The following SUGP1 variants were observed in gnomAD, a reference collection of about 807,000 sequenced individuals.
SUGP1 encodes SURP and G-patch domain-containing protein 1.
Under a neutral mutation model 76.5 loss-of-function variants are expected in SUGP1, and 34 were observed. That is an observed-to-expected ratio of 0.44 (90% confidence interval 0.34 to 0.59). The LOEUF is 0.59. Among genes scored for constraint, SUGP1 ranks in the 20% least tolerant of loss-of-function variants. The pLI, the probability that SUGP1 is intolerant of heterozygous loss-of-function variation, is 0.01. For synonymous variants in SUGP1, 326 were observed against 326.2 expected (o/e 1.00, Z 0.01); for missense variants, 752 against 851.7 (o/e 0.88, Z 1.46).
At chr19:19,284,967 A>G (rs1182287381) in intron 8 of SUGP1, among the ~76,000 whole-genome samples, 3 of 150,542 alleles carry the variant, frequency 2.0e-5, no homozygotes, top group Admixed American at 6.7e-5. Flanking sequence ...TCCCGGGTTC[A>G]TGCCATTCTC....
At chr19:19,304,063 G>C in intron 4 of SUGP1, 1 of 1,540,284 alleles carries the variant, frequency 6.5e-7, no homozygotes, top group Non-Finnish European at 8.7e-7. Context: ...AGAGAAGTGT[G>C]TGAGGCTGTG....
intron 12 of SUGP1, among the ~76,000 whole-genome samples, chr19:19,277,370 C>T (rs2061060952): frequency 6.6e-6 from 1 of 151,964 alleles, no homozygotes; most frequent in African/African-American, 2.4e-5. Flanking sequence ...AGGGGGCACT[C>T]GGGGCCAGGG....
chr19:19,281,962 C>T (rs1320310553), intron 8 of SUGP1, among the ~76,000 whole-genome samples: 12 of 152,042 alleles, frequency 7.9e-5, no homozygotes, highest in African/African-American at 2.4e-5. Flanking sequence ...TTGTGCTTAT[C>T]GTTGTCTGTC....
chr19:19,298,939 G>A (rs1276765553), intron 7 of SUGP1, among the ~76,000 whole-genome samples: 1 of 152,174 alleles, frequency 6.6e-6, no homozygotes, highest in African/African-American at 2.4e-5. Context: ...CCATCTCGGG[G>A]AGGGGGTTAC....
chr19:19,289,480 GC>G (rs1398107836), intron 8 of SUGP1, among the ~76,000 whole-genome samples: 1 of 152,128 alleles, frequency 6.6e-6, no homozygotes, highest in Admixed American at 6.5e-5. Context: ...GGGCATGGTG[GC>G]TCACGCCTGT....
At chr19:19,295,701 ACT>A (rs1245343878) in intron 8 of SUGP1, among the ~76,000 whole-genome samples, 6 of 151,728 alleles carry the variant, frequency 4.0e-5, no homozygotes, top group Admixed American at 3.9e-4. Flanking sequence ...ACAGAGCGAA[ACT>A]CTGTCTCAAA....
At chr19:19,297,443 C>G in intron 7 of SUGP1, 99 bp from the exon 8 acceptor site, 2 of 932,586 alleles carry the variant, frequency 2.1e-6, no homozygotes, top group Non-Finnish European at 3.1e-6. Flanking sequence ...CCACGTTGGC[C>G]AGGGTCACTA....
rs373329475 is a variant in SUGP1, at chr19:19,303,332, C to T, written c.763+16G>A. 1.9e-5 allele frequency: 31 copies of T among 1,610,604 alleles called. No homozygotes were observed. The highest frequency in any genetic ancestry group is 2.5e-5 in the Non-Finnish European group (29 of 1,177,072). On this transcript the variant is annotated intron_variant, in intron 6 of 13. Coordinates refer to ENST00000247001, the MANE Select transcript of SUGP1 (RefSeq NM_172231.4). ...ACAGGCCTCCCCAGAATCTCCCACCCGCTCCGTCCACCTACCTTTCTGAGA... is the reference window on the plus strand; with the variant it reads ...ACAGGCCTCCCCAGAATCTCCCACCTGCTCCGTCCACCTACCTTTCTGAGA...
intron 3 of SUGP1, among the ~76,000 whole-genome samples, chr19:19,308,021 T>C (rs987436906): frequency 2.0e-5 from 3 of 152,114 alleles, no homozygotes; most frequent in Admixed American, 6.6e-5. Context: ...GTTACATCTA[T>C]GAATTCTTTT....
intron 8 of SUGP1, among the ~76,000 whole-genome samples, chr19:19,283,864 C>CGTGA (rs2061119643): frequency 1.3e-5 from 2 of 152,232 alleles, no homozygotes; most frequent in Admixed American, 1.3e-4. Flanking sequence ...GGATTACAGG[C>CGTGA]GTGAGCCACT....
chr19:19,312,364 G>A (rs1355023693), intron 2 of SUGP1, among the ~76,000 whole-genome samples: 1 of 152,206 alleles, frequency 6.6e-6, no homozygotes, highest in Non-Finnish European at 1.5e-5. Flanking sequence ...AAATAAGGCT[G>A]TGATCACAGC....
rs1036631210 is a variant in SUGP1 at position 19,276,698 on chromosome 19, A to T, written c.1912-24T>A. ...TTCTGTGGAAGGCAAAACAGATAAC[A>T]GGAGGAGGGGATTAGCACTAAAGAC... On this transcript the variant is annotated intron_variant, in intron 13 of 13. Coordinates refer to ENST00000247001, the MANE Select transcript of SUGP1 (RefSeq NM_172231.4). 4 of 1,614,084 alleles carry T rather than the reference A, an allele frequency of 2.5e-6. No individual in the cohort carries two copies. The Admixed American group carries it at 6.7e-5, about 27-fold the overall frequency.
rs1418125592 is a variant in SUGP1, at chr19:19,306,093, G to A, written c.311-17C>T. The A allele has an allele frequency of 1.3e-6, 2 of 1,547,820 alleles. No individual in the cohort carries two copies. Among genetic ancestry groups the A allele is most frequent in the African/African-American group, 1.4e-5 (1 of 72,804 alleles). On this transcript the variant is annotated splice_polypyrimidine_tract_variant and intron_variant, in intron 3 of 13. Coordinates refer to ENST00000247001, the MANE Select transcript of SUGP1 (RefSeq NM_172231.4). ...TCGGGGCGTCTGGTATAGAAGGAAG[G>A]ATATGCGCACTCGGGATCTGCAGGG...
chr19:19,280,351 G>A, intron 8 of SUGP1, 60 bp from the exon 9 acceptor site: 1 of 1,463,120 alleles, frequency 6.8e-7, no homozygotes, highest in Non-Finnish European at 9.5e-7. Flanking sequence ...TCTCGCTCCT[G>A]CGCTGGGGTG....
chr19:19,280,911 A>C (rs1476782330), intron 8 of SUGP1: 1 of 152,162 alleles, frequency 6.6e-6, no homozygotes, highest in Non-Finnish European at 1.5e-5. Flanking sequence ...GGCAGAAACC[A>C]CCACCCCTCG....
intron 7 of SUGP1, among the ~76,000 whole-genome samples, chr19:19,297,826 G>T (rs1023485758): frequency 9.8e-5 from 15 of 152,304 alleles, no homozygotes; most frequent in Middle Eastern, 3.4e-3. Flanking sequence ...TACCCCACGT[G>T]GGGGCAGGCA....
rs759494255 is a variant in SUGP1, at chr19:19,303,708, C to T, written c.662+16G>A. ...GCATTCAACAGCACAGCCTTCCCTT[C>T]CCCGGAGATACTCACGCAAATGCTG... is the stretch of plus-strand genomic sequence containing the variant. On this transcript the variant is annotated intron_variant, in intron 5 of 13. Coordinates refer to ENST00000247001, the MANE Select transcript of SUGP1 (RefSeq NM_172231.4). The T allele has an allele frequency of 6.2e-7, 1 of 1,614,162 alleles. No homozygotes were observed. The highest frequency in any genetic ancestry group is 1.1e-5 in the South Asian group (1 of 91,080).
At position 19,320,266 on chromosome 19, in the gene SUGP1, G is replaced by C. The variant is rs2061432658; in HGVS notation, c.34+197C>G. Among the ~76,000 whole-genome samples, 4 of 152,222 alleles carry C rather than the reference G, an allele frequency of 2.6e-5. No homozygotes were observed. In the South Asian group the frequency reaches 8.3e-4, roughly 32 times the overall value. On this transcript the variant is annotated intron_variant, in intron 1 of 13. Transcript: ENST00000247001. ...CTCTACGGAGATCCGTGCGTCCTCA[G>C]CAAACCAAGCGGGGGCGGCCAGCAA...
rs2061050840 is a variant in SUGP1 at position 19,276,575 on chromosome 19, C to T, written c.*73G>A. 1.3e-6 allele frequency: 2 copies of T among 1,586,230 alleles called. No homozygotes were observed. The highest frequency in any genetic ancestry group is 1.7e-5 in the Admixed American group (1 of 59,758). On this transcript the variant is annotated 3_prime_UTR_variant, in exon 14 of 14. Transcript: ENST00000247001. ...CACTCGTGACAACGGAAGGGGTGGG[C>T]AGAAATGCAGGCCGGAACATTCCAC...
Sources: gnomAD v4.1 joint callset for allele counts (sites outside exome capture counted in the v4.1 genomes callset) on GRCh38, gnomAD v4.1.1 for gene constraint, MANE v1.5 for transcripts, NCBI Gene and HGNC (gene_info 2026-07-23, HGNC 2026-07-21) for gene names.